The following SEMA4C variants were observed in gnomAD, a reference collection of about 807,000 sequenced individuals.
SEMA4C encodes semaphorin 4C.
SEMA4C carries 19 observed loss-of-function variants against 89.0 expected under a neutral mutation model. The ratio of observed to expected loss-of-function variants is 0.21; its 90% CI spans 0.15 to 0.31. The LOEUF is 0.31. Among genes scored for constraint, SEMA4C ranks in the 10% least tolerant of loss-of-function variants. SEMA4C has a pLI of 1.00. For synonymous variants in SEMA4C, 428 were observed against 472.7 expected, an observed-to-expected ratio of 0.91 and a Z score of 1.23; for missense variants, 811 against 1,107.0, an observed-to-expected ratio of 0.73 and a Z score of 3.79.
At chr2:96,862,056 G>GA (rs1476636129) in intron 12 of SEMA4C, 162 bp from the exon 13 acceptor site, 4 of 749,624 alleles carry the variant, frequency 5.3e-6, no homozygotes, top group African/African-American at 5.3e-5. Context: ...CTATAGTGCT[G>GA]AAAAGGGAAC....
In SEMA4C at chr2:96,864,689, G is replaced by A; in HGVS notation, c.962+16C>T. On this transcript the variant is annotated intron_variant, in intron 9 of 14. Coordinates refer to ENST00000305476, the MANE Select transcript of SEMA4C (RefSeq NM_017789.5). This position sits in a 1 kb window ranked among gnomAD's most constrained non-coding sequence, Gnocchi z 6.3. ...CCCAGCTCCTCCCCACTCTGTGGGA[G>A]CCCTGGCCAACTCACCACTGTGCTT... 6 of 1,593,000 alleles carry A rather than the reference G, an allele frequency of 3.8e-6. No homozygotes were observed. The highest frequency in any genetic ancestry group is 1.7e-5 in the Admixed American group (1 of 59,168).
At chr2:96,868,852 T>G (rs2080143058) in intron 1 of SEMA4C, 2 of 985,200 alleles carry the variant, frequency 2.0e-6, no homozygotes. Flanking sequence ...CCTTCCCAAC[T>G]CGGGGACTGC....
chr2:96,864,905 C>A lies in SEMA4C; in HGVS notation c.787-25G>T, dbSNP rs2080034163. The stretch of plus-strand genomic sequence containing the variant: ...CCTGGCAGACGGCAAGGGGACACTG[C>A]CGGTCAGCCCCGCTGGGCCAGCAGG... On this transcript the variant is annotated intron_variant, in intron 8 of 14. Coordinates refer to ENST00000305476, the MANE Select transcript of SEMA4C (RefSeq NM_017789.5). The surrounding 1 kb of genome is among the most constrained non-coding windows in gnomAD (Gnocchi z 6.3). The A allele has an allele frequency of 6.2e-7, 1 of 1,611,368 alleles. No individual in the cohort carries two copies. The highest frequency in any genetic ancestry group is 1.7e-5 in the Admixed American group (1 of 59,848).
intron 1 of SEMA4C, chr2:96,868,883 G>C: frequency 2.0e-6 from 2 of 985,354 alleles, no homozygotes; most frequent in Non-Finnish European, 2.4e-6. Context: ...CCCTGGCCTG[G>C]GCGGGCCAGC....
In SEMA4C at chr2:96,870,071, C is replaced by T; in HGVS notation, c.-233G>A. 1 of 975,024 alleles carries T rather than the reference C, an allele frequency of 1.0e-6. No homozygotes were observed. Among genetic ancestry groups the T allele is most frequent in the Non-Finnish European group, 1.2e-6 (1 of 820,420 alleles). 60.4% of individuals were successfully genotyped at this position (975,024 alleles called of 1,614,324 possible). ...CCCGCGCCACCACGGCGGGCGCCGGCTCTTTCTCCAGCGCGGCCGCGGCTC... is the reference window on the plus strand; with the variant it reads ...CCCGCGCCACCACGGCGGGCGCCGGTTCTTTCTCCAGCGCGGCCGCGGCTC... On this transcript the variant is annotated 5_prime_UTR_variant, in exon 1 of 15. Transcript: ENST00000305476.
In SEMA4C at chr2:96,861,859, C is replaced by T. The variant is rs781103888; in HGVS notation, c.1479G>A (p.Val493=). 6.8e-6 allele frequency: 11 copies of T among 1,612,360 alleles called. No individual in the cohort carries two copies. The highest frequency in any genetic ancestry group is 2.2e-5 in the South Asian group (2 of 91,072). The part of the protein sequence containing the change: ...LLFAGSRSQL[V]QLPVADCMKY... ...TCATGCAGTCGGCCACGGGCAGCTG[C>T]ACCAGCTGAGAGCGGGAGCCGGCAA... Residue 493 remains valine, a synonymous_variant, in exon 13 of 15, where the codon GTG becomes GTA. Coordinates refer to ENST00000305476, the MANE Select transcript of SEMA4C (RefSeq NM_017789.5). This position sits in a 1 kb window ranked among gnomAD's most constrained non-coding sequence, Gnocchi z 7.8.
intron 1 of SEMA4C, 79 bp from the exon 2 acceptor site, chr2:96,868,002 G>A (rs2080120393): frequency 2.6e-6 from 4 of 1,549,362 alleles, no homozygotes; most frequent in Non-Finnish European, 3.5e-6. Flanking sequence ...AGAGGCCACA[G>A]GACTCCTCAT....
chr2:96,866,694 AGC>A (rs1559036539), intron 2 of SEMA4C: 2 of 630,216 alleles, frequency 3.2e-6, no homozygotes, highest in Non-Finnish European at 5.9e-6. Flanking sequence ...GGCCAGAGGA[AGC>A]CATCAGACTG....
rs1310543614 is a variant in SEMA4C at position 96,865,082 on chromosome 2, TCA to T, written c.666_667del (p.Ser224CysfsTer99). 1 of 1,563,170 alleles carries T rather than the reference TCA, an allele frequency of 6.4e-7. No individual in the cohort carries two copies. Among genetic ancestry groups the T allele is most frequent in the African/African-American group, 1.4e-5 (1 of 73,462 alleles). On this transcript the variant is annotated frameshift_variant, in exon 8 of 15. Coordinates refer to ENST00000305476, the MANE Select transcript of SEMA4C (RefSeq NM_017789.5). LOFTEE classifies it high-confidence loss of function. ...GTCCCCCGTGAAGCTGCCCACACTC[TCA>T]GGTACATAGGCAGAGCCTACAAAGT...
chr2:96,870,679 GC>G (rs767588775), upstream of SEMA4C: 1 of 985,524 alleles, frequency 1.0e-6, no homozygotes, highest in Non-Finnish European at 1.2e-6. Flanking sequence ...TGCTTCTCAC[GC>G]TTTGGGCAAA....
intron 1 of SEMA4C, chr2:96,869,104 C>A (rs1396766228): frequency 3.9e-5 from 38 of 985,232 alleles, no homozygotes; most frequent in Non-Finnish European, 4.6e-5. Flanking sequence ...CCCCTGTCGG[C>A]CCAGAGCCCC....
In SEMA4C at chr2:96,861,382, G is replaced by A; in HGVS notation, c.1746C>T (p.Asn582=). The change falls in exon 15 of 15, where the codon AAC becomes AAT. Residue 582 remains asparagine, a synonymous_variant. Transcript: ENST00000305476. The surrounding 1 kb of genome is among the most constrained non-coding windows in gnomAD (Gnocchi z 7.8). Reference sequence around the variant, plus strand: ...CAAAGGTCCAGCGGGCATGGGCCAAGTTGGAGGAGAGGTGGCAGGGCAGCA... The same window carrying A: ...CAAAGGTCCAGCGGGCATGGGCCAAATTGGAGGAGAGGTGGCAGGGCAGCA... The part of the protein sequence containing the change: ...DLVLPCHLSS[N]LAHARWTFGG... 6.2e-7 allele frequency: 1 copy of A among 1,609,696 alleles called. No individual in the cohort carries two copies. The highest frequency in any genetic ancestry group is 8.5e-7 in the Non-Finnish European group (1 of 1,180,004).
In SEMA4C at chr2:96,864,041, C is replaced by A. The variant is rs771146144; in HGVS notation, c.1215G>T (p.Gly405=). 1.9e-6 allele frequency: 3 copies of A among 1,613,232 alleles called. No homozygotes were observed. The African/African-American group carries it at 4.0e-5, about 22-fold the overall frequency. ...KKHPLMEEQV[G]PRWSRPLLVK... is the part of the protein sequence containing the mutation. The stretch of plus-strand genomic sequence containing the variant: ...CGAGCAGGGGGCGGCTCCACCGAGG[C>A]CCCACCTGCTCCTCCATCAGCGGGT... Residue 405 remains glycine (G), a synonymous_variant, in exon 11 of 15, where the codon GGG becomes GGT. Transcript: ENST00000305476. This position sits in a 1 kb window ranked among gnomAD's most constrained non-coding sequence, Gnocchi z 6.3.
In SEMA4C at chr2:96,861,899, G is replaced by A. The variant is rs1303809493; in HGVS notation, c.1444-5C>T. The stretch of plus-strand genomic sequence containing the variant: ...GGAGCCGGCAAAGAGCAGCTTCTGC[G>A]AGAAAAGCGGGGCGCAGGAGGGGGG... On this transcript the variant is annotated splice_region_variant and splice_polypyrimidine_tract_variant and intron_variant, in intron 12 of 14. Coordinates refer to ENST00000305476, the MANE Select transcript of SEMA4C (RefSeq NM_017789.5). This position sits in a 1 kb window ranked among gnomAD's most constrained non-coding sequence, Gnocchi z 7.8. 4.4e-6 allele frequency: 7 copies of A among 1,605,324 alleles called. No individual in the cohort carries two copies. The highest frequency in any genetic ancestry group is 1.7e-5 in the Admixed American group (1 of 58,646).
At chr2:96,863,193 G>C (rs1042420613) in intron 12 of SEMA4C, 22 of 956,006 alleles carry the variant, frequency 2.3e-5, no homozygotes, top group South Asian at 4.7e-5. Flanking sequence ...CTGGGTGACA[G>C]AGTGAGACTC....
rs920161352 is a variant in SEMA4C at position 96,861,312 on chromosome 2, C to T, written c.1816G>A (p.Asp606Asn). The stretch of plus-strand genomic sequence containing the variant: ...ACAACCAGGGCCTGGAGCCGGGCAT[C>T]GTAGAGGAAGGACCCGGGCTGTTCC... ...PAEQPGSFLY[D>N]ARLQALVVMA... The change falls in exon 15 of 15, where the codon GAT becomes AAT. Residue 606 changes from aspartate (D) to asparagine (N), a missense_variant. Physicochemically the swap from Asp to Asn is conservative, Grantham distance 23. Coordinates refer to ENST00000305476, the MANE Select transcript of SEMA4C (RefSeq NM_017789.5). This position sits in a 1 kb window ranked among gnomAD's most constrained non-coding sequence, Gnocchi z 7.8. The T allele has an allele frequency of 3.7e-6, 6 of 1,607,512 alleles. No homozygotes were observed. Among genetic ancestry groups the T allele is most frequent in the East Asian group, 2.2e-5 (1 of 44,874 alleles).
In SEMA4C at chr2:96,864,970, G is replaced by A. The variant is rs370155591; in HGVS notation, c.780C>T (p.Val260=). 1.1e-4 allele frequency: 181 copies of A among 1,581,586 alleles called. No homozygotes were observed. The Middle Eastern group carries it at 1.8e-3, about 16-fold the overall frequency. The change falls in exon 8 of 15, where the codon GTC becomes GTT. Residue 260 remains valine (V), a synonymous_variant. Coordinates refer to ENST00000305476, the MANE Select transcript of SEMA4C (RefSeq NM_017789.5). This position sits in a 1 kb window ranked among gnomAD's most constrained non-coding sequence, Gnocchi z 6.3. ...CCGCTGTGAGACTCGGTACCTTGCA[G>A]ACACGGGCCACACGAGCCACCACCT... ...AEQVVARVAR[V]CKGDMGGART... is the part of the protein sequence containing the mutation.
Position 96,861,843 on chromosome 2 carries a change from C to G in SEMA4C, c.1495G>C (p.Asp499His), listed in dbSNP as rs765210020. The G allele has an allele frequency of 1.9e-6, 3 of 1,612,580 alleles. No homozygotes were observed. Among genetic ancestry groups the G allele is most frequent in the Non-Finnish European group, 2.5e-6 (3 of 1,179,878 alleles). ...GCACAGGAGCGATACTTCATGCAGT[C>G]GGCCACGGGCAGCTGCACCAGCTGA... is the stretch of plus-strand genomic sequence containing the variant. ...RSQLVQLPVA[D>H]CMKYRSCADC... The change falls in exon 13 of 15, where the codon GAC (aspartate) becomes CAC (histidine). Residue 499 changes from aspartate (D) to histidine (H), a missense_variant. Physicochemically the swap from Asp to His is moderately conservative, Grantham distance 81. Coordinates refer to ENST00000305476, the MANE Select transcript of SEMA4C (RefSeq NM_017789.5). This position sits in a 1 kb window ranked among gnomAD's most constrained non-coding sequence, Gnocchi z 7.8.
In SEMA4C at chr2:96,865,743, G is replaced by T; in HGVS notation, c.343C>A (p.Arg115Ser). 2 of 1,614,140 alleles carry T rather than the reference G, an allele frequency of 1.2e-6. No individual in the cohort carries two copies. The highest frequency in any genetic ancestry group is 1.7e-6 in the Non-Finnish European group (2 of 1,180,018). The change falls in exon 5 of 15, where the codon CGC (arginine) becomes AGC (serine). Residue 115 changes from arginine to serine, a missense_variant. Arg to Ser is a moderately radical substitution (Grantham distance 110). Coordinates refer to ENST00000305476, the MANE Select transcript of SEMA4C (RefSeq NM_017789.5). Reference protein sequence around the residue: ...NNQTECFNFIRFLQPYNASHL... With the variant: ...NNQTECFNFISFLQPYNASHL... ...GAGGCATTGTAGGGCTGCAGGAAGCGGATGAAGTTGAAGCACTCGGTCTGG... is the reference window on the plus strand; with the variant it reads ...GAGGCATTGTAGGGCTGCAGGAAGCTGATGAAGTTGAAGCACTCGGTCTGG...
Sources: allele counts gnomAD v4.1 joint callset, GRCh38; gene constraint gnomAD v4.1.1; non-coding constraint Gnocchi (gnomAD v3.1); transcripts MANE v1.5; gene names NCBI Gene and HGNC (gene_info 2026-07-23, HGNC 2026-07-21).